Variants in DIPK1A observed in about 807,000 individuals in gnomAD.
DIPK1A encodes family with sequence similarity 69 member A.
DIPK1A carries 27 observed loss-of-function variants against 40.8 expected under a neutral mutation model. The observed-to-expected ratio is 0.66, with a 90% CI of 0.49 to 0.91. DIPK1A has a LOEUF of 0.91. Among genes scored for constraint, DIPK1A ranks in the 40% least tolerant of loss-of-function variants. DIPK1A has a pLI of 0.00. For synonymous variants in DIPK1A, 166 were observed against 171.3 expected (o/e 0.97, Z 0.24); for missense variants, 412 against 505.7 (o/e 0.81, Z 1.78).
downstream of DIPK1A, among the ~76,000 whole-genome samples, chr1:92,838,157 T>C (rs747500361): frequency 2.0e-5 from 3 of 152,232 alleles, no homozygotes; most frequent in Non-Finnish European, 2.9e-5. Context: ...GTAGCTTCTA[T>C]TTTGGCATAG....
At chr1:92,841,896 A>G, downstream of DIPK1A, 2 of 1,523,214 alleles carry the variant, frequency 1.3e-6, no homozygotes, top group Non-Finnish European at 1.8e-6. Flanking sequence ...TTTTTCAGAT[A>G]TAGATAATAA....
intron 3 of DIPK1A, among the ~76,000 whole-genome samples, chr1:92,848,491 A>C (rs1687708636): frequency 6.6e-6 from 1 of 151,620 alleles, no homozygotes. Context: ...CCTGGAATGT[A>C]CTCTCCCAGA....
At chr1:92,932,982 C>T (rs1386312963) in intron 1 of DIPK1A, 1 of 152,098 alleles carries the variant, frequency 6.6e-6, no homozygotes, top group African/African-American at 2.4e-5. Flanking sequence ...AACATATGTA[C>T]CACTCTGGTG....
chr1:92,895,767 C>T (rs1447032920), intron 1 of DIPK1A, among the ~76,000 whole-genome samples: 2 of 152,026 alleles, frequency 1.3e-5, no homozygotes, highest in Non-Finnish European at 2.9e-5. Context: ...ATCGTCTCAG[C>T]CCAAAATCTC....
intron 1 of DIPK1A, among the ~76,000 whole-genome samples, chr1:92,912,041 T>A (rs1024266477): frequency 7.4e-5 from 11 of 148,216 alleles, no homozygotes; most frequent in Non-Finnish European, 1.3e-4. Flanking sequence ...AGGGTACGTT[T>A]AGTTTTTAAA....
At chr1:92,837,632 T>C (rs1055462832), downstream of DIPK1A, 1 of 1,611,534 alleles carries the variant, frequency 6.2e-7, no homozygotes, top group Non-Finnish European at 8.5e-7. Context: ...ACTCCAGACA[T>C]GGTAAAACAT....
At chr1:92,926,405 A>G (rs1443757452) in intron 1 of DIPK1A, among the ~76,000 whole-genome samples, 2 of 152,212 alleles carry the variant, frequency 1.3e-5, no homozygotes, top group Non-Finnish European at 2.9e-5. Flanking sequence ...TCTAAAACTT[A>G]TTAAGACTTG....
chr1:92,935,942 G>A (rs936258968), intron 1 of DIPK1A, among the ~76,000 whole-genome samples: 1 of 151,990 alleles, frequency 6.6e-6, no homozygotes, highest in Admixed American at 6.6e-5. Flanking sequence ...AGCCAGGCTG[G>A]AACATCTACT....
chr1:92,903,074 A>C (rs1475564245), intron 1 of DIPK1A, among the ~76,000 whole-genome samples: 1 of 152,038 alleles, frequency 6.6e-6, no homozygotes, highest in African/African-American at 2.4e-5. Flanking sequence ...TTATTTTTTG[A>C]AACAGGATCT....
chr1:92,849,938 G>A (rs907252184), intron 3 of DIPK1A, among the ~76,000 whole-genome samples: 2 of 151,988 alleles, frequency 1.3e-5, no homozygotes, highest in Admixed American at 6.6e-5. Context: ...TTACAGGCCC[G>A]TGCCACGGGC....
chr1:92,939,369 C>T (rs1651065952), intron 1 of DIPK1A, among the ~76,000 whole-genome samples: 1 of 152,046 alleles, frequency 6.6e-6, no homozygotes. Context: ...AGCTATAGGC[C>T]ATTTTTGCAT....
chr1:92,836,747 T>C (rs932482434), intron 4 of DIPK1A: 2 of 241,624 alleles, frequency 8.3e-6, no homozygotes, highest in Non-Finnish European at 1.6e-5. Flanking sequence ...ATTTACTGAA[T>C]TATGCAAAAA....
chr1:92,902,448 T>A (rs959177936), intron 1 of DIPK1A, among the ~76,000 whole-genome samples: 3 of 152,110 alleles, frequency 2.0e-5, no homozygotes, highest in African/African-American at 7.2e-5. Flanking sequence ...GAAGACACAC[T>A]CCAGACACAG....
chr1:92,867,452 A>C (rs1234225014), intron 2 of DIPK1A, among the ~76,000 whole-genome samples: 1 of 152,198 alleles, frequency 6.6e-6, no homozygotes, highest in Admixed American at 6.5e-5. Context: ...TGCAGAGAAG[A>C]AAGCTATGGA....
At chr1:92,925,313 G>A (rs1650447479) in intron 1 of DIPK1A, among the ~76,000 whole-genome samples, 1 of 152,086 alleles carries the variant, frequency 6.6e-6, no homozygotes, top group African/African-American at 2.4e-5. Flanking sequence ...AATTAGTTGA[G>A]AAGTTATTTC....
intron 1 of DIPK1A, among the ~76,000 whole-genome samples, chr1:92,939,771 T>G (rs143849086): frequency 6.6e-6 from 1 of 152,228 alleles, no homozygotes; most frequent in South Asian, 2.1e-4. Flanking sequence ...CTGGCCAACA[T>G]AGTGAAACCC....
intron 2 of DIPK1A, among the ~76,000 whole-genome samples, chr1:92,872,083 T>C (rs1302667617): frequency 2.4e-5 from 3 of 122,594 alleles, no homozygotes; most frequent in Non-Finnish European, 5.0e-5. Flanking sequence ...TTTTTTTTTT[T>C]TTTTTTTTTT....
At chr1:92,837,391 G>A, downstream of DIPK1A, 1 of 1,417,758 alleles carries the variant, frequency 7.1e-7, no homozygotes, top group Non-Finnish European at 1.0e-6. Context: ...AGCTACTAAA[G>A]TAAATTCTTA....
intron 1 of DIPK1A, among the ~76,000 whole-genome samples, chr1:92,877,365 T>C (rs1312614883): frequency 6.6e-6 from 1 of 152,230 alleles, no homozygotes; most frequent in Non-Finnish European, 1.5e-5. Flanking sequence ...ATTAAAGATA[T>C]GTAAACAAAC....
Sources: allele counts gnomAD v4.1 joint callset (sites outside exome capture counted in the v4.1 genomes callset), GRCh38; gene constraint gnomAD v4.1.1; transcripts MANE v1.5; gene names NCBI Gene and HGNC (gene_info 2026-07-23, HGNC 2026-07-21).